ROCK2: variants seen among roughly 807,000 people sequenced by gnomAD.
ROCK2 encodes rho-associated protein kinase 2.
A neutral mutation model predicts 195.1 loss-of-function variants in ROCK2; 61 were observed. The observed-to-expected ratio is 0.31, with a 90% CI of 0.25 to 0.39. The LOEUF (loss-of-function observed/expected upper bound fraction) is 0.39. Among genes scored for constraint, ROCK2 ranks in the 10% least tolerant of loss-of-function variants. ROCK2 has a pLI of 1.00. For missense variants in ROCK2, 1,109 were observed against 1,637.4 expected, an observed-to-expected ratio of 0.68 and a Z score of 5.57; for synonymous variants, 504 against 545.5, an observed-to-expected ratio of 0.92 and a Z score of 1.06.
chr2:11,295,996 A>AGG (rs1181259771), intron 1 of ROCK2, among the ~76,000 whole-genome samples: 32 of 35,524 alleles, frequency 9.0e-4, no homozygotes, highest in African/African-American at 2.4e-3. Context: ...GAGAGGAGAG[A>AGG]GAGAGAGAGG....
chr2:11,248,708 C>CAAAAATAAAAA (rs1665714000), intron 4 of ROCK2, among the ~76,000 whole-genome samples: 1 of 45,412 alleles, frequency 2.2e-5, no homozygotes, highest in Non-Finnish European at 3.4e-5. Context: ...GACTTCATCT[C>CAAAAATAAAAA]AAAAAAAAAA....
chr2:11,316,585 C>A (rs1233515218), intron 1 of ROCK2, among the ~76,000 whole-genome samples: 1 of 152,156 alleles, frequency 6.6e-6, no homozygotes, highest in Non-Finnish European at 1.5e-5. Flanking sequence ...GTGAATTTCT[C>A]TTTCAGGTAT....
At chr2:11,305,709 T>G (rs892624769) in intron 1 of ROCK2, among the ~76,000 whole-genome samples, 59 of 152,224 alleles carry the variant, frequency 3.9e-4, no homozygotes, top group African/African-American at 1.4e-3. Flanking sequence ...AGTGCACAGG[T>G]GATAAAATGG....
chr2:11,295,101 T>C (rs1667470387), intron 1 of ROCK2, among the ~76,000 whole-genome samples: 1 of 149,852 alleles, frequency 6.7e-6, no homozygotes, highest in African/African-American at 2.4e-5. Flanking sequence ...CATTACTAGA[T>C]TTCTTATGGC....
chr2:11,224,513 A>G (rs1411236897), intron 6 of ROCK2, 53 bp from the exon 7 acceptor site: 2 of 1,491,030 alleles, frequency 1.3e-6, no homozygotes, highest in Admixed American at 3.7e-5. Flanking sequence ...CAAAGGAAAC[A>G]CTTTTCACCT....
At chr2:11,282,179 C>T (rs1667028487) in intron 3 of ROCK2, among the ~76,000 whole-genome samples, 2 of 152,086 alleles carry the variant, frequency 1.3e-5, no homozygotes, top group East Asian at 1.9e-4. Context: ...AGCAAAACCC[C>T]ATCTTTACTA....
At chr2:11,272,828 C>T (rs1465432501) in intron 3 of ROCK2, among the ~76,000 whole-genome samples, 2 of 148,692 alleles carry the variant, frequency 1.3e-5, no homozygotes, top group African/African-American at 5.0e-5. Flanking sequence ...CAAGATGGTG[C>T]CACTGCACTC....
chr2:11,288,989 G>A (rs1667283177), intron 1 of ROCK2, among the ~76,000 whole-genome samples: 1 of 152,128 alleles, frequency 6.6e-6, no homozygotes. Flanking sequence ...CTCAGTTATA[G>A]TTCATATTTT....
intron 1 of ROCK2, among the ~76,000 whole-genome samples, chr2:11,297,145 T>C (rs571298780): frequency 3.9e-5 from 6 of 152,212 alleles, no homozygotes; most frequent in South Asian, 4.1e-4. Context: ...TCATTAAAAA[T>C]AGTTGTTACA....
chr2:11,271,410 G>T (rs1285297685), intron 3 of ROCK2, among the ~76,000 whole-genome samples: 1 of 152,084 alleles, frequency 6.6e-6, no homozygotes, highest in African/African-American at 2.4e-5. Flanking sequence ...TACAGCTCAG[G>T]TTTTCCTACC....
Position 11,344,089 on chromosome 2 carries a change from G to A in ROCK2, c.48C>T (p.Thr16=). 6.5e-7 allele frequency: 1 copy of A among 1,532,094 alleles called. No homozygotes were observed. The highest frequency in any genetic ancestry group is 8.7e-7 in the Non-Finnish European group (1 of 1,146,306). 94.9% of individuals were successfully genotyped at this position (1,532,094 alleles called of 1,614,324 possible). Residue 16 remains threonine, a synonymous_variant, in exon 1 of 33, where the codon ACC becomes ACT. Coordinates refer to ENST00000315872, the MANE Select transcript of ROCK2 (RefSeq NM_004850.5). The surrounding 1 kb of genome is among the most constrained non-coding windows in gnomAD (Gnocchi z 5.4). Reference sequence around the variant, plus strand: ...TCGCGCCTGCCCCGTCCCCCGGCGCGGTCTCGGGGGCGCCGGGCATTTTCC... The same window carrying A: ...TCGCGCCTGCCCCGTCCCCCGGCGCAGTCTCGGGGGCGCCGGGCATTTTCC... The part of the protein sequence containing the change: ...PTGKMPGAPE[T]APGDGAGASR...
chr2:11,288,250 T>C (rs1366167077), intron 1 of ROCK2, among the ~76,000 whole-genome samples: 1 of 152,216 alleles, frequency 6.6e-6, no homozygotes, highest in African/African-American at 2.4e-5. Context: ...ATTTCTATTT[T>C]TTCTTTACAT....
chr2:11,311,785 A>ACC (rs1558383303), intron 1 of ROCK2, among the ~76,000 whole-genome samples: 3 of 151,174 alleles, frequency 2.0e-5, no homozygotes, highest in Non-Finnish European at 4.4e-5. Context: ...ACACACACAC[A>ACC]CCCCTATAGG....
chr2:11,317,612 AT>A (rs1553317464), intron 1 of ROCK2, among the ~76,000 whole-genome samples: 420 of 19,260 alleles, frequency 0.022, 25 homozygotes, highest in Non-Finnish European at 0.027. Flanking sequence ...ATATATATAT[AT>A]TTTTTTTTTT....
intron 1 of ROCK2, among the ~76,000 whole-genome samples, chr2:11,321,687 C>G (rs1370021497): frequency 6.6e-6 from 1 of 151,988 alleles, no homozygotes; most frequent in Admixed American, 6.6e-5. Context: ...AGGAAAGCGA[C>G]CAGTTTACAC....
At chr2:11,216,795 G>C (rs968589381) in intron 12 of ROCK2, among the ~76,000 whole-genome samples, 5 of 152,036 alleles carry the variant, frequency 3.3e-5, no homozygotes, top group African/African-American at 1.2e-4. Context: ...CATGATCTCA[G>C]CTCACTGCAA....
chr2:11,295,055 C>T (rs1212335908), intron 1 of ROCK2, among the ~76,000 whole-genome samples: 1 of 152,128 alleles, frequency 6.6e-6, no homozygotes, highest in East Asian at 1.9e-4. Flanking sequence ...TCCCAAAGTG[C>T]TAGGATTACA....
intron 3 of ROCK2, among the ~76,000 whole-genome samples, chr2:11,284,333 G>T (rs73915148): frequency 0.023 from 3,441 of 152,196 alleles, 60 homozygotes; most frequent in East Asian, 0.052. Flanking sequence ...ATATATCATT[G>T]TGCACTTGGC....
chr2:11,295,384 G>A (rs1667479510), intron 1 of ROCK2, among the ~76,000 whole-genome samples: 1 of 151,048 alleles, frequency 6.6e-6, no homozygotes, highest in South Asian at 2.1e-4. Flanking sequence ...TTCCATATTT[G>A]AAACTTGTAC....
Sources: gnomAD v4.1 joint callset for allele counts (sites outside exome capture counted in the v4.1 genomes callset) on GRCh38, gnomAD v4.1.1 for gene constraint, Gnocchi (gnomAD v3.1) non-coding constraint, MANE v1.5 for transcripts, NCBI Gene and HGNC (gene_info 2026-07-23, HGNC 2026-07-21) for gene names.